CHRM2: variants seen among roughly 807,000 people sequenced by gnomAD.
CHRM2 encodes cholinergic receptor muscarinic 2.
CHRM2 carries 8 observed loss-of-function variants against 25.0 expected under a neutral mutation model. The observed-to-expected ratio is 0.32, with a 90% CI of 0.19 to 0.58. The LOEUF is 0.58. CHRM2 is among the 20% of genes least tolerant of loss of function. The probability of loss-of-function intolerance (pLI) is 0.88; values close to 1 mark genes in which losing one functional copy is unlikely to be tolerated. For synonymous variants in CHRM2, 202 were observed against 205.7 expected (o/e 0.98, Z 0.15); for missense variants, 440 against 567.1 (o/e 0.78, Z 2.28).
At chr7:136,986,948 T>C (rs769907443) in intron 2 of CHRM2, among the ~76,000 whole-genome samples, 1 of 152,206 alleles carries the variant, frequency 6.6e-6, no homozygotes, top group South Asian at 2.1e-4. Context: ...AACTTATTTT[T>C]CTACCTGCAT....
At chr7:136,931,284 T>C (rs915638105) in intron 2 of CHRM2, among the ~76,000 whole-genome samples, 2 of 152,216 alleles carry the variant, frequency 1.3e-5, no homozygotes, top group African/African-American at 4.8e-5. Context: ...AGATAGAGAT[T>C]TGTGTTCCAG....
At chr7:136,881,053 G>A (rs550380655) in intron 2 of CHRM2, among the ~76,000 whole-genome samples, 1 of 150,538 alleles carries the variant, frequency 6.6e-6, no homozygotes, top group Admixed American at 6.7e-5. Context: ...ATAATGGTAT[G>A]TAGATGCCAC....
intron 2 of CHRM2, among the ~76,000 whole-genome samples, chr7:136,961,431 C>T (rs115552618): frequency 0.011 from 1,647 of 152,210 alleles, 28 homozygotes; most frequent in African/African-American, 0.038. Context: ...AGCCTCTGTA[C>T]TATATTGTAA....
At chr7:136,945,083 T>G (rs1021034487) in intron 2 of CHRM2, among the ~76,000 whole-genome samples, 4 of 150,796 alleles carry the variant, frequency 2.7e-5, no homozygotes, top group African/African-American at 7.3e-5. Flanking sequence ...TTGTTTTTTG[T>G]TTTTTTTTCT....
intron 2 of CHRM2, among the ~76,000 whole-genome samples, chr7:136,876,999 C>T (rs1051705126): frequency 6.6e-6 from 1 of 151,944 alleles, no homozygotes; most frequent in Non-Finnish European, 1.5e-5. Context: ...GAATTAGGGA[C>T]AGGAATCTAG....
intron 2 of CHRM2, among the ~76,000 whole-genome samples, chr7:136,905,991 T>C (rs1362592611): frequency 1.3e-5 from 2 of 151,372 alleles, no homozygotes; most frequent in East Asian, 3.9e-4. Context: ...TTCACACTCA[T>C]TTTCAGATCT....
At chr7:136,976,662 G>A (rs967748696) in intron 2 of CHRM2, among the ~76,000 whole-genome samples, 1 of 152,120 alleles carries the variant, frequency 6.6e-6, no homozygotes, top group African/African-American at 2.4e-5. Context: ...CGTGCATCAG[G>A]TCTGAGCTTT....
chr7:136,905,199 GA>G (rs1463464251), intron 2 of CHRM2, among the ~76,000 whole-genome samples: 1 of 151,730 alleles, frequency 6.6e-6, no homozygotes, highest in Non-Finnish European at 1.5e-5. Flanking sequence ...TATGGTCTTA[GA>G]ATGTCTATAT....
At chr7:136,893,415 T>C (rs991877191) in intron 2 of CHRM2, among the ~76,000 whole-genome samples, 1 of 152,214 alleles carries the variant, frequency 6.6e-6, no homozygotes, top group Admixed American at 6.5e-5. Context: ...TTGATAATAA[T>C]GACATAGTCG....
At chr7:136,928,746 G>A (rs1045613414) in intron 2 of CHRM2, among the ~76,000 whole-genome samples, 1 of 152,144 alleles carries the variant, frequency 6.6e-6, no homozygotes, top group Non-Finnish European at 1.5e-5. Flanking sequence ...TTTAGAATCA[G>A]ATACCTCATT....
intron 2 of CHRM2, among the ~76,000 whole-genome samples, chr7:136,976,132 C>T (rs569824145): frequency 5.3e-5 from 8 of 152,162 alleles, no homozygotes; most frequent in Admixed American, 4.6e-4. Flanking sequence ...TATACAAAGC[C>T]TCAAGGTTGG....
chr7:137,005,181 T>C (rs754022415), intron 3 of CHRM2, among the ~76,000 whole-genome samples: 4 of 152,084 alleles, frequency 2.6e-5, no homozygotes, highest in Non-Finnish European at 5.9e-5. Flanking sequence ...CTCATACTTA[T>C]CAGTGCATGT....
At chr7:136,937,905 G>A (rs1236206301) in intron 2 of CHRM2, among the ~76,000 whole-genome samples, 4 of 152,146 alleles carry the variant, frequency 2.6e-5, no homozygotes, top group African/African-American at 4.8e-5. Context: ...GCATGAGTTA[G>A]TGGAAGAGGG....
At chr7:136,872,816 A>G (rs999543586) in intron 2 of CHRM2, among the ~76,000 whole-genome samples, 5 of 152,238 alleles carry the variant, frequency 3.3e-5, no homozygotes, top group African/African-American at 9.6e-5. Context: ...GAGAAAAATG[A>G]GGACAAGAAT....
intron 2 of CHRM2, among the ~76,000 whole-genome samples, chr7:136,945,398 C>T (rs1430211588): frequency 6.6e-6 from 1 of 151,956 alleles, no homozygotes; most frequent in Non-Finnish European, 1.5e-5. Flanking sequence ...TCGTGAGTTG[C>T]TTTTAGTGTA....
intron 2 of CHRM2, among the ~76,000 whole-genome samples, chr7:136,937,971 C>G (rs1336926030): frequency 6.6e-6 from 1 of 152,140 alleles, no homozygotes; most frequent in Non-Finnish European, 1.5e-5. Context: ...AGCAATGAAG[C>G]CTGATGGCTT....
intron 2 of CHRM2, among the ~76,000 whole-genome samples, chr7:136,876,195 G>A (rs1167388363): frequency 2.0e-5 from 3 of 152,126 alleles, no homozygotes; most frequent in Non-Finnish European, 4.4e-5. Context: ...TGTTTTGGAA[G>A]GCGAAGCCAT....
chr7:136,925,775 C>A (rs1380661227), intron 2 of CHRM2, among the ~76,000 whole-genome samples: 2 of 152,174 alleles, frequency 1.3e-5, no homozygotes, highest in African/African-American at 2.4e-5. Context: ...ATCTCCTTTT[C>A]CTCTGCTGAT....
At chr7:137,012,972 T>G (rs1584924460) in intron 3 of CHRM2, among the ~76,000 whole-genome samples, 2 of 152,098 alleles carry the variant, frequency 1.3e-5, no homozygotes, top group Admixed American at 6.6e-5. Flanking sequence ...CTGTCTGGAT[T>G]TGCATCTTTA....
Sources: allele counts gnomAD v4.1 joint callset (sites outside exome capture counted in the v4.1 genomes callset), GRCh38; gene constraint gnomAD v4.1.1; transcripts MANE v1.5; gene names NCBI Gene and HGNC (gene_info 2026-07-23, HGNC 2026-07-21).